The following CNTN4 variants were observed in gnomAD, a reference collection of about 807,000 sequenced individuals.
CNTN4 encodes the protein contactin 4, also known as contactin-4.
CNTN4 carries 77 observed loss-of-function variants against 122.5 expected under a neutral mutation model. The ratio of observed to expected loss-of-function variants is 0.63; its 90% CI spans 0.52 to 0.76. The LOEUF (loss-of-function observed/expected upper bound fraction) is 0.76. Ranked by LOEUF, CNTN4 falls within the 30% of genes least tolerant of loss-of-function variation. CNTN4 has a pLI of 0.00. For synonymous variants in CNTN4, 512 were observed against 447.0 expected (o/e 1.15, Z -1.83); for missense variants, 1,256 against 1,259.1 (o/e 1.00, Z 0.04).
chr3:2,859,458 A>T (rs1396560184), intron 7 of CNTN4, among the ~76,000 whole-genome samples: 1 of 152,018 alleles, frequency 6.6e-6, no homozygotes, highest in Admixed American at 6.6e-5. Flanking sequence ...TCCACTTGTC[A>T]GTCTCAGTCT....
intron 5 of CNTN4, among the ~76,000 whole-genome samples, chr3:2,736,671 C>T (rs1292948347): frequency 6.6e-6 from 1 of 151,858 alleles, no homozygotes; most frequent in Non-Finnish European, 1.5e-5. Flanking sequence ...CTGTGTTGGT[C>T]AGGCTGGTCT....
At chr3:2,576,796 C>A (rs1376617712) in intron 4 of CNTN4, among the ~76,000 whole-genome samples, 1 of 152,182 alleles carries the variant, frequency 6.6e-6, no homozygotes, top group African/African-American at 2.4e-5. Context: ...GATCCACGTG[C>A]CTTGCCTTCC....
intron 2 of CNTN4, among the ~76,000 whole-genome samples, chr3:2,312,715 A>C (rs1450433489): frequency 6.6e-6 from 1 of 152,082 alleles, no homozygotes; most frequent in Non-Finnish European, 1.5e-5. Context: ...GCTTTTGAAA[A>C]AAATAAACTT....
intron 2 of CNTN4, among the ~76,000 whole-genome samples, chr3:2,218,854 A>G (rs1013005645): frequency 2.6e-5 from 4 of 152,240 alleles, no homozygotes; most frequent in African/African-American, 9.6e-5. Flanking sequence ...AGCAATTCCA[A>G]TTTTGCTTAT....
intron 1 of CNTN4, among the ~76,000 whole-genome samples, 168 bp from the exon 2 acceptor site, chr3:2,100,390 G>A (rs2031819733): frequency 6.6e-6 from 1 of 152,174 alleles, no homozygotes; most frequent in African/African-American, 2.4e-5. Flanking sequence ...AGATAATTTG[G>A]AACGCGCTTG....
intron 4 of CNTN4, among the ~76,000 whole-genome samples, chr3:2,700,160 C>A (rs143362389): frequency 1.3e-5 from 2 of 152,208 alleles, no homozygotes; most frequent in Admixed American, 6.5e-5. Flanking sequence ...AAATTTAGCA[C>A]ACATGTGAAA....
intron 6 of CNTN4, among the ~76,000 whole-genome samples, chr3:2,758,978 G>A (rs1345265195): frequency 6.6e-6 from 1 of 151,954 alleles, no homozygotes; most frequent in Non-Finnish European, 1.5e-5. Context: ...ACCTGTAACC[G>A]TTAACAGTCA....
chr3:2,205,452 C>T (rs936671514), intron 2 of CNTN4, among the ~76,000 whole-genome samples: 1 of 151,330 alleles, frequency 6.6e-6, no homozygotes. Context: ...GGTGGTTTTT[C>T]TCTAACTCAA....
At chr3:2,801,303 G>C (rs769666574) in intron 6 of CNTN4, among the ~76,000 whole-genome samples, 1 of 152,140 alleles carries the variant, frequency 6.6e-6, no homozygotes, top group Non-Finnish European at 1.5e-5. Flanking sequence ...AGTAATATCA[G>C]GGTAGCTTTT....
intron 2 of CNTN4, among the ~76,000 whole-genome samples, chr3:2,256,286 G>C (rs1386029915): frequency 6.6e-6 from 1 of 152,176 alleles, no homozygotes; most frequent in Non-Finnish European, 1.5e-5. Flanking sequence ...TTCTGAAATT[G>C]AGGCACTAAT....
chr3:3,029,071 A>G (rs1698960775), intron 15 of CNTN4, among the ~76,000 whole-genome samples: 1 of 152,172 alleles, frequency 6.6e-6, no homozygotes, highest in South Asian at 2.1e-4. Context: ...CTTAATCCTC[A>G]CAGAAATCTT....
chr3:2,883,340 T>A, intron 9 of CNTN4, 93 bp downstream of exon 9: 1 of 936,348 alleles, frequency 1.1e-6, no homozygotes. Flanking sequence ...GTTTCTGAGG[T>A]GACGGAAAAG....
intron 8 of CNTN4, among the ~76,000 whole-genome samples, chr3:2,880,986 A>C (rs1399202632): frequency 6.6e-6 from 1 of 152,212 alleles, no homozygotes; most frequent in Non-Finnish European, 1.5e-5. Context: ...AAGGTTGCTG[A>C]ACCAAATGAT....
At chr3:2,112,139 G>A (rs1434152309) in intron 2 of CNTN4, among the ~76,000 whole-genome samples, 1 of 152,002 alleles carries the variant, frequency 6.6e-6, no homozygotes, top group African/African-American at 2.4e-5. Flanking sequence ...TTTTGGCTAT[G>A]GTCAAGAATC....
intron 2 of CNTN4, among the ~76,000 whole-genome samples, chr3:2,232,656 T>C (rs578248853): frequency 1.3e-5 from 2 of 152,322 alleles, no homozygotes; most frequent in East Asian, 1.9e-4. Context: ...TCACCAAAAA[T>C]GTATGTGAAT....
intron 13 of CNTN4, among the ~76,000 whole-genome samples, chr3:2,960,428 G>C (rs913209336): frequency 6.6e-6 from 1 of 151,922 alleles, no homozygotes; most frequent in Non-Finnish European, 1.5e-5. Context: ...TTAATATACT[G>C]TCTCTCTCAA....
chr3:3,034,515 A>G, intron 16 of CNTN4, 117 bp from the exon 17 acceptor site: 1 of 1,112,772 alleles, frequency 9.0e-7, no homozygotes, highest in East Asian at 2.4e-5. Flanking sequence ...TTGACAAGTG[A>G]TGAATCTGTG....
At chr3:2,647,811 G>A (rs779727719) in intron 4 of CNTN4, among the ~76,000 whole-genome samples, 137 of 152,220 alleles carry the variant, frequency 9.0e-4, no homozygotes, top group Non-Finnish European at 1.5e-3. Flanking sequence ...TACTGAAAAG[G>A]CAATCTTAAT....
At chr3:2,291,802 T>G (rs1429859939) in intron 2 of CNTN4, among the ~76,000 whole-genome samples, 1 of 152,040 alleles carries the variant, frequency 6.6e-6, no homozygotes, top group Non-Finnish European at 1.5e-5. Context: ...GGCAGGATCT[T>G]GGCTCACTGC....
Sources: gnomAD v4.1 joint callset for allele counts (sites outside exome capture counted in the v4.1 genomes callset) on GRCh38, gnomAD v4.1.1 for gene constraint, MANE v1.5 for transcripts, NCBI Gene and HGNC (gene_info 2026-07-23, HGNC 2026-07-21) for gene names.